Variants in PIEZO1 observed in about 807,000 individuals in gnomAD.
PIEZO1 encodes piezo type mechanosensitive ion channel component 1 (Er blood group).
A neutral mutation model predicts 297.2 loss-of-function variants in PIEZO1; 296 were observed. The observed-to-expected ratio is 1.00, with a 90% CI of 0.91 to 1.10. The LOEUF (loss-of-function observed/expected upper bound fraction) is 1.10. Among genes scored for constraint, PIEZO1 ranks in the 50% least tolerant of loss-of-function variants. PIEZO1 has a pLI of 0.00. For missense variants in PIEZO1, 5,018 were observed against 3,455.5 expected, an observed-to-expected ratio of 1.45 and a Z score of -11.34; for synonymous variants, 2,427 against 1,507.5, an observed-to-expected ratio of 1.61 and a Z score of -14.13.
chr16:88,744,668 C>T (rs1207536470), intron 2 of PIEZO1, among the ~76,000 whole-genome samples: 1 of 151,532 alleles, frequency 6.6e-6, no homozygotes. Context: ...TTCCCTGCCT[C>T]CTTCCCGGTT....
rs929043932 is a variant in PIEZO1 at position 88,719,568 on chromosome 16, A to C, written c.6471+6T>G. The C allele has an allele frequency of 6.5e-7, 1 of 1,550,192 alleles. No homozygotes were observed. The highest frequency in any genetic ancestry group is 2.4e-5 in the East Asian group (1 of 40,914). On this transcript the variant is annotated splice_donor_region_variant and intron_variant, in intron 44 of 50. Transcript: ENST00000301015. ...TTGTCCCGGCCCCCGCCCTGGGCCC[A>C]GGCACCTTCTCTGTCTCTCGGCTGC...
rs1332324232 is a variant in PIEZO1, at chr16:88,732,428, C to G, written c.2898G>C (p.Val966=). Residue 966 remains valine, a synonymous_variant, in exon 21 of 51, where the codon GTG becomes GTC. Coordinates refer to ENST00000301015, the MANE Select transcript of PIEZO1 (RefSeq NM_001142864.4). ...HQLAPLPAQA[V]FASGTRQQLD... is the part of the protein sequence containing the mutation. Reference sequence around the variant, plus strand: ...GCTGCTGGCGGGTGCCGCTGGCAAACACGGCCTGGGCAGGCAGCGGGGCCA... The same window carrying G: ...GCTGCTGGCGGGTGCCGCTGGCAAAGACGGCCTGGGCAGGCAGCGGGGCCA... 6 of 1,549,772 alleles carry G rather than the reference C, an allele frequency of 3.9e-6. No individual in the cohort carries two copies. In the East Asian group the frequency reaches 1.5e-4, roughly 38 times the overall value.
In PIEZO1 at chr16:88,732,334, C is replaced by G. The variant is rs1904910037; in HGVS notation, c.2991+1G>C. ...AGGGGGAGGCAATGTCCTTGCCTCA[C>G]CTCCAGCCCGAATTTGTAGAAGAAG... On this transcript the variant is annotated splice_donor_variant, in intron 21 of 50. Coordinates refer to ENST00000301015, the MANE Select transcript of PIEZO1 (RefSeq NM_001142864.4). LOFTEE classifies it high-confidence loss of function. 1.9e-5 allele frequency: 30 copies of G among 1,549,082 alleles called. No homozygotes were observed. Among genetic ancestry groups the G allele is most frequent in the Non-Finnish European group, 2.5e-5 (29 of 1,146,054 alleles).
chr16:88,741,996 G>A (rs972656286), intron 4 of PIEZO1, 57 bp downstream of exon 4: 13 of 1,514,378 alleles, frequency 8.6e-6, no homozygotes, highest in Non-Finnish European at 1.2e-5. Context: ...CCCACTTCCT[G>A]GGGCCTGAAA....
Position 88,720,271 on chromosome 16 carries a change from C to T in PIEZO1, c.5962G>A (p.Ala1988Thr), listed in dbSNP as rs1302411456. The T allele has an allele frequency of 1.3e-6, 2 of 1,550,246 alleles. No homozygotes were observed. The highest frequency in any genetic ancestry group is 2.4e-5 in the East Asian group (1 of 40,930). ...GFWAFGKHSA[A>T]TDITSSLSDD... Reference sequence around the variant, plus strand: ...GATAGGGAGGACGTGATGTCTGTGGCCGCCGAGTGCTTCTGTGGCCAGGAG... The same window carrying T: ...GATAGGGAGGACGTGATGTCTGTGGTCGCCGAGTGCTTCTGTGGCCAGGAG... Residue 1988 changes from alanine (A) to threonine (T), a missense_variant, in exon 42 of 51, where the codon GCC (alanine) becomes ACC (threonine). Ala to Thr is a moderately conservative substitution (Grantham distance 58). Transcript: ENST00000301015.
chr16:88,733,269 G>T lies in PIEZO1; in HGVS notation c.2664+9C>A, dbSNP rs1398101934. 2.0e-6 allele frequency: 3 copies of T among 1,536,668 alleles called. No homozygotes were observed. The highest frequency in any genetic ancestry group is 2.6e-6 in the Non-Finnish European group (3 of 1,135,748). ...GCTTCCTCCCGTCCCAGCCCTCGGG[G>T]GCCGGTACCTCGGTGCAGTTGCTGG... On this transcript the variant is annotated intron_variant, in intron 19 of 50. Transcript: ENST00000301015.
rs1912042880 is a variant in PIEZO1 at position 88,716,488 on chromosome 16, G to T, written c.6927-5C>A. 6.5e-7 allele frequency: 1 copy of T among 1,545,570 alleles called. No individual in the cohort carries two copies. The highest frequency in any genetic ancestry group is 8.7e-7 in the Non-Finnish European group (1 of 1,144,208). ...GTGCCTCCCTTCGCCAGGTCCCTGG[G>T]GGTGGGAACACAGCGTGACCCACTG... On this transcript the variant is annotated splice_polypyrimidine_tract_variant and splice_region_variant and intron_variant, in intron 47 of 50. Coordinates refer to ENST00000301015, the MANE Select transcript of PIEZO1 (RefSeq NM_001142864.4).
intron 10 of PIEZO1, chr16:88,736,968 G>A: frequency 2.3e-6 from 1 of 440,692 alleles, no homozygotes; most frequent in Non-Finnish European, 4.1e-6. Context: ...TCCTTGAAAG[G>A]GTGGGAAAGG....
In PIEZO1 at chr16:88,716,207, G is replaced by C; in HGVS notation, c.7120C>G (p.Leu2374Val). The C allele has an allele frequency of 1.3e-6, 2 of 1,499,898 alleles. No individual in the cohort carries two copies. Among genetic ancestry groups the C allele is most frequent in the Non-Finnish European group, 1.8e-6 (2 of 1,119,052 alleles). 92.9% of individuals were successfully genotyped at this position (1,499,898 alleles called of 1,614,324 possible). ...CCACGCCCATACTCACTGGGCTGCA[G>C]CTGCTTCACAGGGTTGGCTTCGGGC... ...NGPEANPVKQ[L>V]QPNEEADYLG... The change falls in exon 49 of 51, where the codon CTG becomes GTG. Residue 2374 changes from leucine to valine, a missense_variant. Coordinates refer to ENST00000301015, the MANE Select transcript of PIEZO1 (RefSeq NM_001142864.4).
At position 88,716,627 on chromosome 16, in the gene PIEZO1, G is replaced by C. The variant is rs1216072573; in HGVS notation, c.6858C>G (p.Ala2286=). ...ALWRISPPSR[A]QMKRELYNGT... is the part of the protein sequence containing the mutation. ...CGTTGTAGAGCTCCCGCTTCATCTG[G>C]GCACGGCTGGGGGGACTGATGCGCC... The change falls in exon 47 of 51, where the codon GCC becomes GCG. Residue 2286 remains alanine (A), a synonymous_variant. Coordinates refer to ENST00000301015, the MANE Select transcript of PIEZO1 (RefSeq NM_001142864.4). The C allele has an allele frequency of 3.4e-5, 53 of 1,549,786 alleles. No individual in the cohort carries two copies. The highest frequency in any genetic ancestry group is 3.3e-4 in the Middle Eastern group (2 of 6,012).
intron 2 of PIEZO1, among the ~76,000 whole-genome samples, chr16:88,747,690 C>G (rs898383492): frequency 6.6e-6 from 1 of 152,230 alleles, no homozygotes; most frequent in African/African-American, 2.4e-5. Context: ...TCTGTGAACG[C>G]AGAAGCTCAC....
intron 1 of PIEZO1, among the ~76,000 whole-genome samples, chr16:88,773,952 G>A (rs1199334919): frequency 3.9e-5 from 6 of 152,056 alleles, no homozygotes; most frequent in Admixed American, 1.3e-4. Flanking sequence ...CAGGTCCCCC[G>A]AGTCCCTTCA....
rs2142831529 is a variant in PIEZO1, at chr16:88,737,600, A to G, written c.1154T>C (p.Val385Ala). 3.9e-6 allele frequency: 6 copies of G among 1,534,356 alleles called. No individual in the cohort carries two copies. The highest frequency in any genetic ancestry group is 5.2e-6 in the Non-Finnish European group (6 of 1,146,308). ...APDTEADNCI[V>A]HELTGQSSVL... Reference sequence around the variant, plus strand: ...GGAGCTCTGGCCGGTCAGCTCGTGCACGATGCAGTTATCAGCCTCGGTGTC... The same window carrying G: ...GGAGCTCTGGCCGGTCAGCTCGTGCGCGATGCAGTTATCAGCCTCGGTGTC... Residue 385 changes from valine to alanine, a missense_variant, in exon 10 of 51, where the codon GTG (valine) becomes GCG (alanine). By Grantham distance (64) the Val-to-Ala change is moderately conservative. Coordinates refer to ENST00000301015, the MANE Select transcript of PIEZO1 (RefSeq NM_001142864.4).
intron 2 of PIEZO1, among the ~76,000 whole-genome samples, chr16:88,748,064 G>C (rs1906156996): frequency 6.6e-6 from 1 of 152,212 alleles, no homozygotes; most frequent in African/African-American, 2.4e-5. Context: ...CCAAGAGCCT[G>C]TCTCCACAGT....
At chr16:88,725,838 C>T (rs2142782666) in intron 27 of PIEZO1, 154 bp from the exon 28 acceptor site, 2 of 620,854 alleles carry the variant, frequency 3.2e-6, no homozygotes, top group East Asian at 2.8e-5. Flanking sequence ...CTGCTGCCCC[C>T]ACCCTCCGTG....
intron 31 of PIEZO1, among the ~76,000 whole-genome samples, 173 bp downstream of exon 31, chr16:88,723,698 T>G (rs113546256): frequency 7.2e-5 from 11 of 152,234 alleles, no homozygotes; most frequent in Admixed American, 2.0e-4. Context: ...CATGTCCCTG[T>G]AGCCTGGTTT....
At chr16:88,744,802 C>A (rs1043925331) in intron 2 of PIEZO1, among the ~76,000 whole-genome samples, 2 of 152,070 alleles carry the variant, frequency 1.3e-5, no homozygotes, top group Admixed American at 1.3e-4. Flanking sequence ...CGTGGCACGC[C>A]CGCTCCCTGC....
rs1313856152 is a variant in PIEZO1, at chr16:88,733,895, G to A, written c.2329+11C>T. The A allele has an allele frequency of 1.2e-5, 18 of 1,484,104 alleles. No individual in the cohort carries two copies. In the Admixed American group the frequency reaches 1.4e-4, roughly 11 times the overall value. The allele number at this position is 1,484,104 out of a possible 1,614,324, so 91.9% of individuals were successfully genotyped here. ...ACTGGGTGGCAGCTGTGCTCTGCCC[G>A]CCCAACCCACCTTCAGGCACCTGCG... On this transcript the variant is annotated intron_variant, in intron 17 of 50. Coordinates refer to ENST00000301015, the MANE Select transcript of PIEZO1 (RefSeq NM_001142864.4).
intron 1 of PIEZO1, among the ~76,000 whole-genome samples, chr16:88,752,825 T>C (rs1051652641): frequency 6.6e-6 from 1 of 152,124 alleles, no homozygotes; most frequent in African/African-American, 2.4e-5. Flanking sequence ...ACCACGGGCC[T>C]GCCCTGGGGT....
Sources: allele counts gnomAD v4.1 joint callset (sites outside exome capture counted in the v4.1 genomes callset), GRCh38; gene constraint gnomAD v4.1.1; transcripts MANE v1.5; gene names NCBI Gene and HGNC (gene_info 2026-07-23, HGNC 2026-07-21).